Variants in PAPPA2 observed in about 807,000 individuals in gnomAD.
The protein encoded by PAPPA2 is pappalysin-2.
A neutral mutation model predicts 176.4 loss-of-function variants in PAPPA2; 86 were observed. That is an observed-to-expected ratio of 0.49 (90% confidence interval 0.41 to 0.58). PAPPA2 has a LOEUF of 0.58. Among genes scored for constraint, PAPPA2 ranks in the 20% least tolerant of loss-of-function variants. The pLI is 0.00. For missense variants in PAPPA2, 2,073 were observed against 2,256.9 expected (o/e 0.92, Z 1.65); for synonymous variants, 809 against 852.2 (o/e 0.95, Z 0.88).
At chr1:176,741,181 C>T (rs764216288) in intron 14 of PAPPA2, among the ~76,000 whole-genome samples, 3 of 152,138 alleles carry the variant, frequency 2.0e-5, no homozygotes, top group East Asian at 1.9e-4. Flanking sequence ...GATACAGCTT[C>T]GCCAGGTATC....
At chr1:176,623,758 C>CCTTTCTTCCTTT (rs1655822598) in intron 3 of PAPPA2, among the ~76,000 whole-genome samples, 1 of 59,042 alleles carries the variant, frequency 1.7e-5, no homozygotes, top group Non-Finnish European at 3.2e-5. Context: ...TTCCTTCCTT[C>CCTTTCTTCCTTT]CTTTCTTTCT....
chr1:176,564,730 T>C (rs1267756602), intron 2 of PAPPA2, among the ~76,000 whole-genome samples: 5 of 151,590 alleles, frequency 3.3e-5, no homozygotes, highest in African/African-American at 1.2e-4. Context: ...TTCTTTTTTT[T>C]TTTTTTTTTA....
At chr1:176,820,156 A>G (rs1666599817) in intron 21 of PAPPA2, among the ~76,000 whole-genome samples, 1 of 152,202 alleles carries the variant, frequency 6.6e-6, no homozygotes, top group Non-Finnish European at 1.5e-5. Context: ...AAAAAAAAAC[A>G]ACACGCACCT....
At chr1:176,607,372 C>T (rs1476180087) in intron 3 of PAPPA2, among the ~76,000 whole-genome samples, 1 of 152,230 alleles carries the variant, frequency 6.6e-6, no homozygotes, top group African/African-American at 2.4e-5. Flanking sequence ...TACTTCCACA[C>T]TTCCTAAGCC....
intron 1 of PAPPA2, among the ~76,000 whole-genome samples, chr1:176,551,686 C>A (rs1463538407): frequency 6.6e-6 from 1 of 152,070 alleles, no homozygotes; most frequent in Non-Finnish European, 1.5e-5. Context: ...ACGTCCTGGG[C>A]TTAAAGGAAA....
intron 3 of PAPPA2, among the ~76,000 whole-genome samples, chr1:176,660,732 A>G (rs1658316805): frequency 6.6e-6 from 1 of 152,164 alleles, no homozygotes; most frequent in South Asian, 2.1e-4. Flanking sequence ...TCAACAAAAT[A>G]ATCAAAACAA....
intron 2 of PAPPA2, among the ~76,000 whole-genome samples, chr1:176,578,913 A>T (rs1652804514): frequency 6.6e-6 from 1 of 152,210 alleles, no homozygotes; most frequent in South Asian, 2.1e-4. Context: ...CTACCATAAA[A>T]TAAGAACACC....
chr1:176,776,972 T>C (rs570701394), intron 17 of PAPPA2, among the ~76,000 whole-genome samples: 1 of 152,096 alleles, frequency 6.6e-6, no homozygotes, highest in South Asian at 2.1e-4. Flanking sequence ...ACTCAGCCAA[T>C]AAATGGTAAA....
At chr1:176,708,919 A>G (rs943585398) in intron 10 of PAPPA2, among the ~76,000 whole-genome samples, 1 of 152,172 alleles carries the variant, frequency 6.6e-6, no homozygotes, top group Non-Finnish European at 1.5e-5. Context: ...TCTTATTTTC[A>G]TGTCCTATTT....
intron 20 of PAPPA2, among the ~76,000 whole-genome samples, chr1:176,799,457 T>A (rs1204457958): frequency 6.6e-6 from 1 of 152,192 alleles, no homozygotes; most frequent in African/African-American, 2.4e-5. Flanking sequence ...GATTTCACAC[T>A]AGCCCTGTGT....
chr1:176,752,901 G>A (rs1340233394), intron 14 of PAPPA2, among the ~76,000 whole-genome samples: 1 of 152,208 alleles, frequency 6.6e-6, no homozygotes, highest in East Asian at 1.9e-4. Context: ...TGAGAAGGTC[G>A]ATCTGCTGGC....
At chr1:176,565,569 C>A (rs945027835) in intron 2 of PAPPA2, among the ~76,000 whole-genome samples, 1 of 152,182 alleles carries the variant, frequency 6.6e-6, no homozygotes, top group Non-Finnish European at 1.5e-5. Flanking sequence ...GTGGCATGCA[C>A]CTGCGGTCCC....
At chr1:176,537,719 AGTGTGTGTGTGTGTGTGTGT>A (rs57602344) in intron 1 of PAPPA2, among the ~76,000 whole-genome samples, 1 of 143,828 alleles carries the variant, frequency 7.0e-6, no homozygotes, top group Non-Finnish European at 1.5e-5. Flanking sequence ...GTAGGTATGG[AGTGTGTGTGTGTGTGTGTGT>A]GTGTGTGTGT....
Position 176,692,331 on chromosome 1 carries a change from C to G in PAPPA2, c.2624+13C>G. ...TTGTATATGACAGGTGAGAGAGGCA[C>G]TGGCTGTGGGTGAGCTGGCTTATTT... is the stretch of plus-strand genomic sequence containing the variant. On this transcript the variant is annotated intron_variant, in intron 6 of 22. Transcript: ENST00000367662. 1.9e-6 allele frequency: 3 copies of G among 1,593,510 alleles called. No individual in the cohort carries two copies. Among genetic ancestry groups the G allele is most frequent in the Non-Finnish European group, 2.6e-6 (3 of 1,164,452 alleles).
intron 3 of PAPPA2, among the ~76,000 whole-genome samples, chr1:176,664,157 A>T (rs912720938): frequency 6.6e-6 from 1 of 152,164 alleles, no homozygotes; most frequent in African/African-American, 2.4e-5. Context: ...TTAGTTTTTG[A>T]TTCTTGCTGT....
chr1:176,840,306 G>T, intron 22 of PAPPA2, 35 bp downstream of exon 22: 1 of 1,539,338 alleles, frequency 6.5e-7, no homozygotes. Flanking sequence ...GGGAGGCAGT[G>T]GCTTCAGGAA....
At chr1:176,528,689 T>C (rs191386413) in intron 1 of PAPPA2, among the ~76,000 whole-genome samples, 2 of 152,324 alleles carry the variant, frequency 1.3e-5, no homozygotes, top group East Asian at 3.9e-4. Context: ...CCAGTCCAAA[T>C]TTCTTAGTCT....
intron 21 of PAPPA2, among the ~76,000 whole-genome samples, chr1:176,827,556 CTT>C (rs1445932443): frequency 6.6e-6 from 1 of 152,182 alleles, no homozygotes; most frequent in Admixed American, 6.5e-5. Flanking sequence ...GGCAGGTCCT[CTT>C]TCTGCACTGC....
At chr1:176,477,594 A>T (rs1342588139) in intron 1 of PAPPA2, among the ~76,000 whole-genome samples, 1 of 151,900 alleles carries the variant, frequency 6.6e-6, no homozygotes, top group Non-Finnish European at 1.5e-5. Flanking sequence ...AAAATACAAA[A>T]ATTAGCTGGG....
Sources: allele counts gnomAD v4.1 joint callset (sites outside exome capture counted in the v4.1 genomes callset), GRCh38; gene constraint gnomAD v4.1.1; transcripts MANE v1.5; gene names NCBI Gene and HGNC (gene_info 2026-07-23, HGNC 2026-07-21).